The following ABLIM1 variants were observed in gnomAD, a reference collection of about 807,000 sequenced individuals.
ABLIM1 encodes the protein actin-binding LIM protein 1.
ABLIM1 carries 40 observed loss-of-function variants against 107.0 expected under a neutral mutation model. The ratio of observed to expected loss-of-function variants is 0.37; its 90% CI spans 0.29 to 0.49. The LOEUF (loss-of-function observed/expected upper bound fraction) is 0.49, where lower values mean the gene tolerates loss of function less well. ABLIM1 is among the 20% of genes least tolerant of loss of function. The probability of loss-of-function intolerance (pLI) is 0.97; values close to 1 mark genes in which losing one functional copy is unlikely to be tolerated. For synonymous variants in ABLIM1, 357 were observed against 357.3 expected (o/e 1.00, Z 0.01); for missense variants, 857 against 1,008.5 (o/e 0.85, Z 2.04).
chr10:114,788,011 T>C, the ABLIM1 span, among the ~76,000 whole-genome samples: 1 of 146,598 alleles, frequency 6.8e-6, no homozygotes, highest in Non-Finnish European at 1.5e-5. Context: ...CTTGGGATCC[T>C]GTTGATCTGT....
At chr10:114,625,357 T>C (rs1277354200) in intron 1 of ABLIM1, among the ~76,000 whole-genome samples, 1 of 152,172 alleles carries the variant, frequency 6.6e-6, no homozygotes, top group Non-Finnish European at 1.5e-5. Flanking sequence ...GCAGCGTGCA[T>C]GCATCTGAGT....
At chr10:114,476,714 A>T (rs546927269) in intron 8 of ABLIM1, among the ~76,000 whole-genome samples, 31 of 151,432 alleles carry the variant, frequency 2.0e-4, no homozygotes, top group Admixed American at 5.3e-4. Context: ...CCTAATCAAA[A>T]TATAGAAGTG....
intron 4 of ABLIM1, among the ~76,000 whole-genome samples, chr10:114,551,684 C>T (rs528081712): frequency 1.4e-4 from 21 of 152,364 alleles, no homozygotes; most frequent in East Asian, 7.7e-4. Flanking sequence ...ACTTCAGATT[C>T]GCCTTAGGCT....
At chr10:114,442,808 T>TTTAGCAAAAATGC in intron 17 of ABLIM1, among the ~76,000 whole-genome samples, 1 of 151,946 alleles carries the variant, frequency 6.6e-6, no homozygotes, top group East Asian at 1.9e-4. Context: ...AAATAAAATG[T>TTTAGCAAAAATGC]TTAGCAAAAA....
At chr10:114,590,839 A>C (rs1566032130) in intron 2 of ABLIM1, among the ~76,000 whole-genome samples, 1 of 152,160 alleles carries the variant, frequency 6.6e-6, no homozygotes, top group Non-Finnish European at 1.5e-5. Context: ...GCATGGGTTT[A>C]ATATGGACAA....
At chr10:114,671,097 T>A (rs1318186456) in intron 1 of ABLIM1, among the ~76,000 whole-genome samples, 2 of 152,150 alleles carry the variant, frequency 1.3e-5, no homozygotes, top group African/African-American at 4.8e-5. Context: ...CAATACTGCA[T>A]CCCCATCCCT....
intron 2 of ABLIM1, among the ~76,000 whole-genome samples, chr10:114,592,162 G>A (rs1446799423): frequency 6.6e-6 from 1 of 152,092 alleles, no homozygotes; most frequent in Non-Finnish European, 1.5e-5. Flanking sequence ...ACATATATAT[G>A]TGCACACACA....
intron 8 of ABLIM1, among the ~76,000 whole-genome samples, chr10:114,475,876 G>A (rs2056300254): frequency 6.6e-6 from 1 of 152,158 alleles, no homozygotes; most frequent in South Asian, 2.1e-4. Context: ...CTCTGTTGCA[G>A]CCATTTCCTA....
chr10:114,669,477 A>G (rs2080163246), intron 1 of ABLIM1, among the ~76,000 whole-genome samples: 1 of 152,232 alleles, frequency 6.6e-6, no homozygotes, highest in African/African-American at 2.4e-5. Flanking sequence ...TACCCCTTTC[A>G]TAATCCATTT....
At chr10:114,780,972 G>A in the ABLIM1 span, among the ~76,000 whole-genome samples, 1 of 152,148 alleles carries the variant, frequency 6.6e-6, no homozygotes, top group Non-Finnish European at 1.5e-5. Flanking sequence ...CCTGGAGGGG[G>A]CTCCTTGAGC....
intron 6 of ABLIM1, among the ~76,000 whole-genome samples, chr10:114,541,932 TCAGACACACACACACA>T (rs2066713259): frequency 6.6e-6 from 1 of 150,840 alleles, no homozygotes; most frequent in Non-Finnish European, 1.5e-5. Context: ...ACTCACACAC[TCAGACACACACACACA>T]CAGAGCCCTT....
At chr10:114,554,039 T>C (rs2068412537) in intron 4 of ABLIM1, among the ~76,000 whole-genome samples, 1 of 152,178 alleles carries the variant, frequency 6.6e-6, no homozygotes, top group African/African-American at 2.4e-5. Flanking sequence ...TAGGGGCTGA[T>C]TCTGGGAAAT....
intron 17 of ABLIM1, among the ~76,000 whole-genome samples, chr10:114,443,797 C>T (rs1282235406): frequency 6.6e-6 from 1 of 151,848 alleles, no homozygotes; most frequent in Non-Finnish European, 1.5e-5. Context: ...GATTGGCCTT[C>T]ATGGATTTTG....
chr10:114,758,089 G>A (rs566185825), intron 1 of ABLIM1, among the ~76,000 whole-genome samples: 3 of 151,888 alleles, frequency 2.0e-5, no homozygotes, highest in South Asian at 2.1e-4. Context: ...TTCCATTATC[G>A]CCCCATATGC....
At chr10:114,630,647 T>A (rs540351494) in intron 1 of ABLIM1, among the ~76,000 whole-genome samples, 9 of 152,288 alleles carry the variant, frequency 5.9e-5, no homozygotes, top group Non-Finnish European at 1.3e-4. Context: ...GCAACAAGGA[T>A]CATCTTGAGT....
At chr10:114,447,216 G>T (rs2061145358) in intron 15 of ABLIM1, among the ~76,000 whole-genome samples, 1 of 152,092 alleles carries the variant, frequency 6.6e-6, no homozygotes, top group African/African-American at 2.4e-5. Context: ...ATATAGTAAA[G>T]ACACAGACAT....
chr10:114,596,880 T>C (rs775840482), intron 2 of ABLIM1, among the ~76,000 whole-genome samples: 4 of 152,162 alleles, frequency 2.6e-5, no homozygotes, highest in Non-Finnish European at 5.9e-5. Context: ...GAAATCAACC[T>C]CTGCCCCCAC....
chr10:114,684,474 C>T (rs2080879119), exon 1 of ABLIM1: 5 of 1,485,678 alleles, frequency 3.4e-6, no homozygotes, highest in Middle Eastern at 2.4e-4. Context: ...GTGGGCTGAA[C>T]TGGACCCGAG....
At chr10:114,604,006 G>T (rs904701262) in intron 1 of ABLIM1, among the ~76,000 whole-genome samples, 1 of 150,928 alleles carries the variant, frequency 6.6e-6, no homozygotes, top group Admixed American at 6.6e-5. Flanking sequence ...TTAAGTCCTT[G>T]TGTTTTTTAA....
Sources: gnomAD v4.1 joint callset for allele counts (sites outside exome capture counted in the v4.1 genomes callset) on GRCh38, gnomAD v4.1.1 for gene constraint, MANE v1.5 for transcripts, NCBI Gene and HGNC (gene_info 2026-07-23, HGNC 2026-07-21) for gene names.